DLGAP1: variants seen among roughly 807,000 people sequenced by gnomAD.
DLGAP1 encodes DLG associated protein 1.
DLGAP1 carries 11 observed loss-of-function variants against 90.8 expected under a neutral mutation model. That is an observed-to-expected ratio of 0.12 (90% CI 0.08 to 0.20). The LOEUF (loss-of-function observed/expected upper bound fraction) is 0.20, where lower values mean the gene tolerates loss of function less well. DLGAP1 is among the 10% of genes least tolerant of loss of function. The probability of loss-of-function intolerance (pLI) is 1.00; values close to 1 mark genes in which losing one functional copy is unlikely to be tolerated. For missense variants in DLGAP1, 1,050 were observed against 1,333.8 expected, an observed-to-expected ratio of 0.79 and a Z score of 3.31; for synonymous variants, 558 against 540.7, an observed-to-expected ratio of 1.03 and a Z score of -0.44.
Position 3,729,368 on chromosome 18 carries a change from T to G in DLGAP1, c.1358A>C (p.Glu453Ala). 6.2e-7 allele frequency: 1 copy of G among 1,611,702 alleles called. No individual in the cohort carries two copies. The highest frequency in any genetic ancestry group is 8.5e-7 in the Non-Finnish European group (1 of 1,178,160). The change falls in exon 7 of 13, where the codon GAG becomes GCG. Residue 453 changes from glutamate to alanine, a missense_variant. Transcript: ENST00000315677. The surrounding 1 kb of genome is among the most constrained non-coding windows in gnomAD (Gnocchi z 6.2). ...RAMSTISQVS[E>A]MEVNGQFESV... is the part of the protein sequence containing the mutation. ...CTCGAACTGCCCGTTCACTTCCATC[T>G]CGCTCACCTGCGGGCAGACACAGGC...
chr18:3,850,191 A>C (rs534760958), intron 4 of DLGAP1, among the ~76,000 whole-genome samples: 1 of 152,188 alleles, frequency 6.6e-6, no homozygotes, highest in East Asian at 1.9e-4. Context: ...ACGTGGTGAA[A>C]CTAACAAGAC....
chr18:3,860,802 A>G (rs2070002520), intron 4 of DLGAP1, among the ~76,000 whole-genome samples: 1 of 152,198 alleles, frequency 6.6e-6, no homozygotes, highest in Admixed American at 6.5e-5. Context: ...ATAGGGCTGA[A>G]CTATTGAGAG....
chr18:3,506,513 C>CAAAAA (rs11316330), intron 11 of DLGAP1, among the ~76,000 whole-genome samples: 26 of 69,604 alleles, frequency 3.7e-4, no homozygotes, highest in East Asian at 5.1e-4. Flanking sequence ...GACTCCGTCT[C>CAAAAA]AAAAAAAAAA....
chr18:3,564,487 C>T (rs968352578), intron 9 of DLGAP1, among the ~76,000 whole-genome samples: 1 of 152,140 alleles, frequency 6.6e-6, no homozygotes, highest in Admixed American at 6.5e-5. Context: ...GTTTCTGCTG[C>T]GTGCAGGCCC....
At chr18:3,683,152 G>A (rs62083230) in intron 7 of DLGAP1, among the ~76,000 whole-genome samples, 23,121 of 151,976 alleles carry the variant, frequency 0.15, 1,937 homozygotes, top group South Asian at 0.23. Context: ...CACCGCACCC[G>A]GCCATATCCA....
At chr18:4,132,915 T>C (rs1448995853) in intron 2 of DLGAP1, among the ~76,000 whole-genome samples, 1 of 152,166 alleles carries the variant, frequency 6.6e-6, no homozygotes, top group Non-Finnish European at 1.5e-5. Context: ...TTGTTACACA[T>C]TTATTGAGCA....
intron 2 of DLGAP1, among the ~76,000 whole-genome samples, chr18:4,106,240 C>T (rs533607195): frequency 1.3e-5 from 2 of 152,190 alleles, no homozygotes; most frequent in South Asian, 2.1e-4. Context: ...AAGAAACCTA[C>T]GATGTGGCTG....
intron 5 of DLGAP1, among the ~76,000 whole-genome samples, chr18:3,793,421 C>CG (rs1232997093): frequency 5.3e-5 from 8 of 152,322 alleles, no homozygotes; most frequent in African/African-American, 1.4e-4. Flanking sequence ...CTTTGAAGTG[C>CG]TGCTCCTCCA....
At chr18:4,374,962 GA>G (rs892054422) in intron 1 of DLGAP1, among the ~76,000 whole-genome samples, 6 of 151,902 alleles carry the variant, frequency 3.9e-5, no homozygotes, top group South Asian at 2.1e-4. Context: ...AAACTGACAA[GA>G]AAAAAATAAA....
chr18:4,238,352 T>A (rs1268300052), intron 1 of DLGAP1, among the ~76,000 whole-genome samples: 1 of 152,176 alleles, frequency 6.6e-6, no homozygotes, highest in East Asian at 1.9e-4. Context: ...ATACATAGAA[T>A]AAAAAAGCCT....
intron 2 of DLGAP1, among the ~76,000 whole-genome samples, chr18:4,073,428 C>T (rs1598351859): frequency 6.6e-6 from 1 of 152,270 alleles, no homozygotes; most frequent in East Asian, 1.9e-4. Context: ...CTATCAACAG[C>T]ACGTTCTTCC....
intron 6 of DLGAP1, among the ~76,000 whole-genome samples, chr18:3,738,307 G>T (rs1345952942): frequency 6.8e-6 from 1 of 146,418 alleles, no homozygotes; most frequent in East Asian, 1.9e-4. Flanking sequence ...AAAAGAGCCC[G>T]CATCGCCAAG....
intron 1 of DLGAP1, among the ~76,000 whole-genome samples, chr18:4,257,663 C>T (rs376814996): frequency 1.3e-5 from 2 of 148,798 alleles, no homozygotes; most frequent in African/African-American, 2.5e-5. Flanking sequence ...GTCGCTCTGT[C>T]GCCCAGGCTG....
At chr18:3,895,698 T>C (rs2071605742) in intron 3 of DLGAP1, 1 of 152,284 alleles carries the variant, frequency 6.6e-6, no homozygotes, top group Non-Finnish European at 1.5e-5. Flanking sequence ...GCAGAGCCAC[T>C]GTGCTGATGG....
At chr18:3,779,671 G>GAAGC (rs2065097397) in intron 5 of DLGAP1, among the ~76,000 whole-genome samples, 1 of 151,928 alleles carries the variant, frequency 6.6e-6, no homozygotes, top group Non-Finnish European at 1.5e-5. Flanking sequence ...TCTCCTCCAG[G>GAAGC]AAGCTTGCTT....
At chr18:3,798,342 G>A (rs1362512525) in intron 5 of DLGAP1, among the ~76,000 whole-genome samples, 2 of 152,250 alleles carry the variant, frequency 1.3e-5, no homozygotes, top group Non-Finnish European at 2.9e-5. Flanking sequence ...AGGCAGCTTG[G>A]TGGAGCAGGT....
chr18:3,982,083 C>G (rs932192875), intron 3 of DLGAP1, among the ~76,000 whole-genome samples: 17 of 151,960 alleles, frequency 1.1e-4, no homozygotes, highest in African/African-American at 4.1e-4. Flanking sequence ...AAAAAAGAGG[C>G]TCTTGGGGCA....
intron 2 of DLGAP1, among the ~76,000 whole-genome samples, chr18:4,144,182 C>T (rs1476596401): frequency 6.6e-6 from 1 of 152,130 alleles, no homozygotes; most frequent in Non-Finnish European, 1.5e-5. Flanking sequence ...AGGACTTGCC[C>T]CAGAATTGCA....
chr18:4,320,799 AAAG>A (rs1416924750), intron 1 of DLGAP1, among the ~76,000 whole-genome samples: 2 of 152,112 alleles, frequency 1.3e-5, no homozygotes, highest in African/African-American at 4.8e-5. Flanking sequence ...TAAGATTAAA[AAAG>A]AATACTTCAC....
Sources: allele counts gnomAD v4.1 joint callset (sites outside exome capture counted in the v4.1 genomes callset), GRCh38; gene constraint gnomAD v4.1.1; non-coding constraint Gnocchi (gnomAD v3.1); transcripts MANE v1.5; gene names NCBI Gene and HGNC (gene_info 2026-07-23, HGNC 2026-07-21).